Variants in PCCA observed in about 807,000 individuals in gnomAD.
PCCA encodes the protein propionyl-CoA carboxylase subunit alpha.
PCCA carries 74 observed loss-of-function variants against 101.3 expected under a neutral mutation model. That is an observed-to-expected ratio of 0.73 (90% CI 0.61 to 0.89). The LOEUF (loss-of-function observed/expected upper bound fraction) is 0.89, where lower values mean the gene tolerates loss of function less well. Ranked by LOEUF, PCCA falls within the 40% of genes least tolerant of loss-of-function variation. The pLI, the probability that PCCA is intolerant of heterozygous loss-of-function variation, is 0.00. For synonymous variants in PCCA, 294 were observed against 313.6 expected, an observed-to-expected ratio of 0.94 and a Z score of 0.66; for missense variants, 891 against 907.0, an observed-to-expected ratio of 0.98 and a Z score of 0.23.
rs553844596 is a variant in PCCA, at chr13:100,123,675, A to G, written c.300+11614A>G. On this transcript the variant is annotated intron_variant, in intron 4 of 23. Coordinates refer to ENST00000376285, the MANE Select transcript of PCCA (RefSeq NM_000282.4). ...GAGTAAATATGCAAGAATAGCCTAGATAATTCTGAGGAAAATTGATGGGGA... is the reference window on the plus strand; with the variant it reads ...GAGTAAATATGCAAGAATAGCCTAGGTAATTCTGAGGAAAATTGATGGGGA... Among the ~76,000 whole-genome samples, 5 of 152,286 alleles carry G rather than the reference A, an allele frequency of 3.3e-5. No homozygotes were observed. In the Middle Eastern group the frequency reaches 0.014, roughly 414 times the overall value.
At chr13:100,091,396 A>G (rs985036288) in intron 1 of PCCA, among the ~76,000 whole-genome samples, 11 of 152,150 alleles carry the variant, frequency 7.2e-5, no homozygotes, top group Non-Finnish European at 1.0e-4. Flanking sequence ...TCTTAGTACA[A>G]TGTTTGACAC....
intron 6 of PCCA, among the ~76,000 whole-genome samples, chr13:100,180,589 G>A (rs1023404265): frequency 1.3e-5 from 2 of 152,152 alleles, no homozygotes; most frequent in African/African-American, 4.8e-5. Flanking sequence ...GGATACAGAG[G>A]TTGTATGTAT....
At chr13:100,234,935 C>T (rs1422787645) in intron 7 of PCCA, among the ~76,000 whole-genome samples, 2 of 151,776 alleles carry the variant, frequency 1.3e-5, no homozygotes, top group Admixed American at 6.6e-5. Flanking sequence ...CCCACACACA[C>T]GAAGGAGGCT....
At chr13:100,117,248 T>C (rs2048876908) in intron 4 of PCCA, among the ~76,000 whole-genome samples, 1 of 152,196 alleles carries the variant, frequency 6.6e-6, no homozygotes, top group African/African-American at 2.4e-5. Context: ...TTTATATTTT[T>C]TTCTGAAGCA....
chr13:100,307,341 C>A, intron 15 of PCCA, 81 bp downstream of exon 15: 2 of 934,542 alleles, frequency 2.1e-6, no homozygotes, highest in Admixed American at 1.9e-5. Flanking sequence ...GGGCCTTTAT[C>A]TGAATCATAA....
chr13:100,216,484 C>G (rs867142887), intron 7 of PCCA, among the ~76,000 whole-genome samples: 1 of 152,228 alleles, frequency 6.6e-6, no homozygotes, highest in Admixed American at 6.5e-5. Context: ...GGATGCTGCT[C>G]TCTTTATTAC....
At chr13:100,393,650 C>G (rs879418657) in intron 19 of PCCA, among the ~76,000 whole-genome samples, 2 of 152,066 alleles carry the variant, frequency 1.3e-5, no homozygotes, top group Non-Finnish European at 2.9e-5. Flanking sequence ...AACTCTTGAT[C>G]TCATGATCTG....
chr13:100,299,689 GTAAAGCACT>G (rs1181838410), intron 12 of PCCA, among the ~76,000 whole-genome samples: 5 of 152,094 alleles, frequency 3.3e-5, no homozygotes, highest in African/African-American at 1.2e-4. Context: ...TAGTATTGAT[GTAAAGCACT>G]TGGCACGTGG....
chr13:100,458,387 C>CACACAT (rs2081924293), intron 21 of PCCA, among the ~76,000 whole-genome samples: 5 of 128,536 alleles, frequency 3.9e-5, no homozygotes, highest in South Asian at 2.4e-4. Flanking sequence ...CACACACACA[C>CACACAT]GCACATATAC....
chr13:100,360,851 G>T (rs1484634956), intron 18 of PCCA, among the ~76,000 whole-genome samples: 1 of 152,144 alleles, frequency 6.6e-6, no homozygotes, highest in African/African-American at 2.4e-5. Context: ...ACTAAAACCT[G>T]CACGTGAATG....
intron 4 of PCCA, among the ~76,000 whole-genome samples, chr13:100,150,284 G>C (rs1417871151): frequency 3.9e-5 from 6 of 151,910 alleles, no homozygotes; most frequent in Non-Finnish European, 5.9e-5. Flanking sequence ...CACCCGCCTC[G>C]GCCTCCCAAA....
intron 9 of PCCA, 68 bp from the exon 10 acceptor site, chr13:100,262,661 T>A: frequency 1.3e-6 from 1 of 775,410 alleles, no homozygotes. Context: ...TGACTCTTCT[T>A]CTCCTTCTTC....
intron 7 of PCCA, among the ~76,000 whole-genome samples, chr13:100,210,244 T>C (rs1158747283): frequency 1.3e-5 from 2 of 152,202 alleles, no homozygotes; most frequent in African/African-American, 4.8e-5. Flanking sequence ...TTCCCAAGTG[T>C]TGGGATTACA....
intron 12 of PCCA, among the ~76,000 whole-genome samples, chr13:100,298,321 C>T (rs1012264495): frequency 6.6e-6 from 1 of 152,084 alleles, no homozygotes; most frequent in Non-Finnish European, 1.5e-5. Flanking sequence ...CTAGGAGAGT[C>T]ACAGGACATA....
intron 16 of PCCA, among the ~76,000 whole-genome samples, chr13:100,316,090 T>C (rs1490362277): frequency 2.0e-5 from 3 of 152,190 alleles, no homozygotes; most frequent in African/African-American, 7.2e-5. Context: ...TCTTTTGGCT[T>C]TAGGATTAAT....
intron 21 of PCCA, among the ~76,000 whole-genome samples, chr13:100,508,847 T>C (rs1052513777): frequency 6.6e-6 from 1 of 152,200 alleles, no homozygotes; most frequent in Admixed American, 6.5e-5. Context: ...GTGCTGACGT[T>C]GGTTTCCATC....
intron 20 of PCCA, among the ~76,000 whole-genome samples, chr13:100,437,171 C>T (rs191668964): frequency 6.6e-6 from 1 of 152,332 alleles, no homozygotes; most frequent in East Asian, 1.9e-4. Context: ...ATGCCCTAGG[C>T]TTTCTCACTG....
intron 16 of PCCA, among the ~76,000 whole-genome samples, chr13:100,327,779 A>G (rs2068857632): frequency 6.6e-6 from 1 of 152,158 alleles, no homozygotes; most frequent in African/African-American, 2.4e-5. Flanking sequence ...ACGGCATCTC[A>G]TTGTGTTTCT....
intron 19 of PCCA, among the ~76,000 whole-genome samples, chr13:100,413,424 A>G (rs2152874074): frequency 6.6e-6 from 1 of 152,356 alleles, no homozygotes. Flanking sequence ...AAGCATACTA[A>G]TAGGAATCTG....
Sources: gnomAD v4.1 joint callset for allele counts (sites outside exome capture counted in the v4.1 genomes callset) on GRCh38, gnomAD v4.1.1 for gene constraint, MANE v1.5 for transcripts, NCBI Gene and HGNC (gene_info 2026-07-23, HGNC 2026-07-21) for gene names.